The following ACAN variants were observed in gnomAD, a reference collection of about 807,000 sequenced individuals.
ACAN encodes the protein aggrecan core protein.
In ACAN, 47 loss-of-function variants were observed where a neutral mutation model predicts 169.1. The ratio of observed to expected loss-of-function variants is 0.28; its 90% CI spans 0.22 to 0.35. ACAN has a LOEUF of 0.35. Ranked by LOEUF, ACAN falls within the 10% of genes least tolerant of loss-of-function variation. The pLI, the probability that ACAN is intolerant of heterozygous loss-of-function variation, is 1.00. For synonymous variants in ACAN, 1,115 were observed against 1,112.2 expected (o/e 1.00, Z -0.05); for missense variants, 2,716 against 2,759.9 (o/e 0.98, Z 0.36).
chr15:88,858,028 C>T lies in ACAN; in HGVS notation c.5443C>T (p.Leu1815=), dbSNP rs373012933. 2.5e-6 allele frequency: 4 copies of T among 1,613,822 alleles called. No individual in the cohort carries two copies. The highest frequency in any genetic ancestry group is 1.7e-5 in the Admixed American group (1 of 59,990). Residue 1815 remains leucine (L), a synonymous_variant, in exon 12 of 19, where the codon CTG becomes TTG. Coordinates refer to ENST00000560601, the MANE Select transcript of ACAN (RefSeq NM_001369268.1). This position sits in a 1 kb window ranked among gnomAD's most constrained non-coding sequence, Gnocchi z 4.0. ...TGGGGCAACATCAGGAGTCCCTGAC[C>T]TGGTTTCTGGTACCACGAGTGGCAG... The part of the protein sequence containing the change: ...FSGATSGVPD[L]VSGTTSGSGE...
At chr15:88,820,290 G>A (rs1053447479) in intron 1 of ACAN, among the ~76,000 whole-genome samples, 1 of 152,172 alleles carries the variant, frequency 6.6e-6, no homozygotes, top group Non-Finnish European at 1.5e-5. Context: ...TGCTCCTGCT[G>A]TGATCGAGGA....
intron 1 of ACAN, among the ~76,000 whole-genome samples, chr15:88,823,904 A>C (rs4932201): frequency 6.6e-6 from 1 of 151,708 alleles, no homozygotes; most frequent in African/African-American, 2.4e-5. Context: ...CCGTGTGTGC[A>C]CTCCCGGCTA....
intron 1 of ACAN, among the ~76,000 whole-genome samples, chr15:88,817,839 G>A (rs1895978182): frequency 9.7e-6 from 1 of 102,794 alleles, no homozygotes. Context: ...GCGCAACAGA[G>A]TGAGACTCTG....
At chr15:88,850,176 T>C (rs1896900277) in intron 10 of ACAN, 3 of 349,492 alleles carry the variant, frequency 8.6e-6, no homozygotes, top group Non-Finnish European at 1.6e-5. Flanking sequence ...TATGTAAAGC[T>C]GTAATATATA....
In ACAN at chr15:88,847,451, A is replaced by G. The variant is rs562761109; in HGVS notation, c.1604+34A>G. 67 of 1,522,122 alleles carry G rather than the reference A, an allele frequency of 4.4e-5. No homozygotes were observed. In the East Asian group the frequency reaches 1.5e-3, roughly 34 times the overall value. The allele number at this position is 1,522,122 out of a possible 1,614,324, so 94.3% of individuals were successfully genotyped here. On this transcript the variant is annotated intron_variant, in intron 8 of 18. Transcript: ENST00000560601. Reference sequence around the variant, plus strand: ...ATGCTCCTCGCCCAGCCCAAACCCAATTGAAGAGGTCAGGCTTAAGGAGCC... The same window carrying G: ...ATGCTCCTCGCCCAGCCCAAACCCAGTTGAAGAGGTCAGGCTTAAGGAGCC...
chr15:88,823,006 C>T (rs1896117504), intron 1 of ACAN, among the ~76,000 whole-genome samples: 1 of 152,198 alleles, frequency 6.6e-6, no homozygotes, highest in Non-Finnish European at 1.5e-5. Context: ...CATCTGATGG[C>T]CCTTTCTGGC....
In ACAN at chr15:88,843,855, GCT is replaced by G. The variant is rs1457780441; in HGVS notation, c.1051+210_1051+211del. 1.3e-5 allele frequency among the ~76,000 whole-genome samples: 2 copies of G among 152,182 alleles called. No individual in the cohort carries two copies. Among genetic ancestry groups the G allele is most frequent in the African/African-American group, 4.8e-5 (2 of 41,446 alleles). ...GACTCTTGAGACTGCAGCGTATCTA[GCT>G]CTGTCTCATCGGATCAGCACAGACG... On this transcript the variant is annotated intron_variant, in intron 6 of 18. Coordinates refer to ENST00000560601, the MANE Select transcript of ACAN (RefSeq NM_001369268.1). This position sits in a 1 kb window ranked among gnomAD's most constrained non-coding sequence, Gnocchi z 4.0.
At chr15:88,825,017 T>C (rs773333123) in intron 1 of ACAN, among the ~76,000 whole-genome samples, 1 of 151,934 alleles carries the variant, frequency 6.6e-6, no homozygotes, top group Admixed American at 6.6e-5. Flanking sequence ...GAGGGAAAGA[T>C]CCAGAAGTGT....
chr15:88,869,897 C>T lies in ACAN; in HGVS notation c.7061-1485C>T, dbSNP rs751085864. On this transcript the variant is annotated intron_variant, in intron 14 of 18. Transcript: ENST00000560601. This position sits in a 1 kb window ranked among gnomAD's most constrained non-coding sequence, Gnocchi z 4.2. Reference sequence around the variant, plus strand: ...AATCTTCAGCCTGCACAGCCCTGCCCTCCCATACCCACCTCCCAGAGAAGT... The same window carrying T: ...AATCTTCAGCCTGCACAGCCCTGCCTTCCCATACCCACCTCCCAGAGAAGT... Among the ~76,000 whole-genome samples the T allele has an allele frequency of 6.6e-6, 1 of 152,128 alleles. No individual in the cohort carries two copies. The highest frequency in any genetic ancestry group is 1.5e-5 in the Non-Finnish European group (1 of 68,024).
Position 88,814,703 on chromosome 15 carries a change from A to C in ACAN, c.-8+10894A>C, listed in dbSNP as rs1262375127. ...CAATTGATTGTACCCGACTCCTTCA[A>C]CCCTTCTCTGGGACTGCGCTGCAGA... On this transcript the variant is annotated intron_variant, in intron 1 of 18. Transcript: ENST00000560601. This position sits in a 1 kb window ranked among gnomAD's most constrained non-coding sequence, Gnocchi z 4.0. 6.6e-6 allele frequency among the ~76,000 whole-genome samples: 1 copy of C among 152,074 alleles called. No individual in the cohort carries two copies. The highest frequency in any genetic ancestry group is 1.5e-5 in the Non-Finnish European group (1 of 68,002).
rs1008131520 is a variant in ACAN at position 88,872,382 on chromosome 15, C to T, written c.7302+297C>T. Among the ~76,000 whole-genome samples the T allele has an allele frequency of 6.6e-6, 1 of 152,142 alleles. No homozygotes were observed. The highest frequency in any genetic ancestry group is 1.5e-5 in the Non-Finnish European group (1 of 68,026). On this transcript the variant is annotated intron_variant, in intron 16 of 18. Transcript: ENST00000560601. This position sits in a 1 kb window ranked among gnomAD's most constrained non-coding sequence, Gnocchi z 5.4. ...AGAGGTTTCTTGCCCACACTGAACTCGAGTCTACTCAAGGAGACAGACAGA... is the reference window on the plus strand; with the variant it reads ...AGAGGTTTCTTGCCCACACTGAACTTGAGTCTACTCAAGGAGACAGACAGA...
chr15:88,874,656 A>G lies in ACAN; in HGVS notation c.*175A>G. 2.8e-6 allele frequency: 2 copies of G among 706,760 alleles called. No individual in the cohort carries two copies. Among genetic ancestry groups the G allele is most frequent in the Non-Finnish European group, 5.1e-6 (2 of 394,600 alleles). 43.8% of individuals were successfully genotyped at this position (706,760 alleles called of 1,614,324 possible). On this transcript the variant is annotated 3_prime_UTR_variant, in exon 19 of 19. Transcript: ENST00000560601. This position sits in a 1 kb window ranked among gnomAD's most constrained non-coding sequence, Gnocchi z 7.3. ...ATGCACCCACTCACCCCTCCAAATCAGCAAAACCGCATCTAATTTGTCCGC... is the reference window on the plus strand; with the variant it reads ...ATGCACCCACTCACCCCTCCAAATCGGCAAAACCGCATCTAATTTGTCCGC...
At chr15:88,860,510 C>A in intron 13 of ACAN, 71 bp downstream of exon 13, 1 of 1,403,638 alleles carries the variant, frequency 7.1e-7, no homozygotes, top group Non-Finnish European at 9.9e-7. Context: ...CCCAAAGGGT[C>A]CCCAGGTGGG....
chr15:88,871,639 G>A lies in ACAN; in HGVS notation c.7219+99G>A. On this transcript the variant is annotated intron_variant, in intron 15 of 18. Transcript: ENST00000560601. The surrounding 1 kb of genome is among the most constrained non-coding windows in gnomAD (Gnocchi z 7.8). ...CAGCAGATTTGGGCCTCGTGAGACT[G>A]CAGGACAGGGACCTGGGGGAGGGGG... 2 of 1,424,742 alleles carry A rather than the reference G, an allele frequency of 1.4e-6. No individual in the cohort carries two copies. The highest frequency in any genetic ancestry group is 2.7e-5 in the South Asian group (2 of 73,010). The allele number at this position is 1,424,742 out of a possible 1,614,324, so 88.3% of individuals were successfully genotyped here. A position where few individuals can be genotyped will look rare whatever the true frequency, so the allele number is the denominator to read the frequency against.
In ACAN at chr15:88,858,972, G is replaced by C; in HGVS notation, c.6387G>C (p.Leu2129=). 1 of 1,613,732 alleles carries C rather than the reference G, an allele frequency of 6.2e-7. No homozygotes were observed. The highest frequency in any genetic ancestry group is 8.5e-7 in the Non-Finnish European group (1 of 1,179,704). Residue 2129 remains leucine (L), a synonymous_variant, in exon 12 of 19, where the codon CTG becomes CTC. Coordinates refer to ENST00000560601, the MANE Select transcript of ACAN (RefSeq NM_001369268.1). The surrounding 1 kb of genome is among the most constrained non-coding windows in gnomAD (Gnocchi z 4.0). ...ASREDSGSPD[L]SETTSAFHEA... is the part of the protein sequence containing the mutation. ...GAGAAGATTCTGGGTCCCCTGATCT[G>C]AGTGAAACCACCTCTGCATTCCACG...
In ACAN at chr15:88,851,757, G is replaced by A. The variant is rs1456593143; in HGVS notation, c.2027-37G>A. ...CCAGCCAAGGACGGGTCACTGGTAAGAGAGGGACTCACTCTGACCACCCAC... is the reference window on the plus strand; with the variant it reads ...CCAGCCAAGGACGGGTCACTGGTAAAAGAGGGACTCACTCTGACCACCCAC... On this transcript the variant is annotated intron_variant, in intron 10 of 18. Coordinates refer to ENST00000560601, the MANE Select transcript of ACAN (RefSeq NM_001369268.1). The surrounding 1 kb of genome is among the most constrained non-coding windows in gnomAD (Gnocchi z 4.3). 6.5e-7 allele frequency: 1 copy of A among 1,529,272 alleles called. No individual in the cohort carries two copies. Among genetic ancestry groups the A allele is most frequent in the Non-Finnish European group, 8.8e-7 (1 of 1,135,262 alleles). 94.7% of individuals were successfully genotyped at this position (1,529,272 alleles called of 1,614,324 possible). A position where few individuals can be genotyped will look rare whatever the true frequency, so the allele number is the denominator to read the frequency against.
At position 88,849,983 on chromosome 15, in the gene ACAN, G is replaced by T. The variant is rs1384843172; in HGVS notation, c.2026+252G>T. 2 of 621,520 alleles carry T rather than the reference G, an allele frequency of 3.2e-6. No individual in the cohort carries two copies. The highest frequency in any genetic ancestry group is 2.9e-6 in the Non-Finnish European group (1 of 348,120). The allele number at this position is 621,520 out of a possible 1,614,324, so 38.5% of individuals were successfully genotyped here. On this transcript the variant is annotated intron_variant, in intron 10 of 18. Transcript: ENST00000560601. This position sits in a 1 kb window ranked among gnomAD's most constrained non-coding sequence, Gnocchi z 5.1. ...GCTGGTATTTATGTCTACTAGAAATGAAGCAGACCTGAATTTGAGTTATGG... is the reference window on the plus strand; with the variant it reads ...GCTGGTATTTATGTCTACTAGAAATTAAGCAGACCTGAATTTGAGTTATGG...
chr15:88,852,929 G>A (rs558637306), intron 11 of ACAN, among the ~76,000 whole-genome samples: 8 of 152,350 alleles, frequency 5.3e-5, no homozygotes, highest in Middle Eastern at 3.4e-3. Flanking sequence ...ATCCAGCTAT[G>A]CATCAGCATT....
chr15:88,807,446 C>T lies in ACAN; in HGVS notation c.-8+3637C>T, dbSNP rs868172824. Reference sequence around the variant, plus strand: ...AGCCCCTTCAATGGGATGAAGGGCCCGTTTCTGTGACAGCTACTTTGGGAG... The same window carrying T: ...AGCCCCTTCAATGGGATGAAGGGCCTGTTTCTGTGACAGCTACTTTGGGAG... On this transcript the variant is annotated intron_variant, in intron 1 of 18. Coordinates refer to ENST00000560601, the MANE Select transcript of ACAN (RefSeq NM_001369268.1). The surrounding 1 kb of genome is among the most constrained non-coding windows in gnomAD (Gnocchi z 4.0). Among the ~76,000 whole-genome samples the T allele has an allele frequency of 1.3e-5, 2 of 152,106 alleles. No individual in the cohort carries two copies. The highest frequency in any genetic ancestry group is 2.4e-5 in the African/African-American group (1 of 41,410).
Sources: allele counts gnomAD v4.1 joint callset (sites outside exome capture counted in the v4.1 genomes callset), GRCh38; gene constraint gnomAD v4.1.1; non-coding constraint Gnocchi (gnomAD v3.1); transcripts MANE v1.5; gene names NCBI Gene and HGNC (gene_info 2026-07-23, HGNC 2026-07-21).